The following OPCML variants were observed in gnomAD, a reference collection of about 807,000 sequenced individuals.
OPCML encodes the protein opioid binding protein/cell adhesion molecule like, also known as opioid-binding protein/cell adhesion molecule.
A neutral mutation model predicts 37.8 loss-of-function variants in OPCML; 13 were observed. The ratio of observed to expected loss-of-function variants is 0.34; its 90% confidence interval spans 0.22 to 0.55. The LOEUF (loss-of-function observed/expected upper bound fraction) is 0.55. OPCML is among the 20% of genes least tolerant of loss of function. OPCML has a pLI of 0.91. For synonymous variants in OPCML, 176 were observed against 168.8 expected (o/e 1.04, Z -0.33); for missense variants, 341 against 435.6 (o/e 0.78, Z 1.93).
At chr11:133,287,023 GAGA>G (rs1942318229) in intron 1 of OPCML, among the ~76,000 whole-genome samples, 1 of 152,114 alleles carries the variant, frequency 6.6e-6, no homozygotes, top group African/African-American at 2.4e-5. Flanking sequence ...TGGACAGAAG[GAGA>G]AGTTGAGATA....
intron 7 of OPCML, among the ~76,000 whole-genome samples, chr11:132,424,346 C>T (rs955955294): frequency 1.3e-5 from 2 of 152,092 alleles, no homozygotes; most frequent in African/African-American, 4.8e-5. Flanking sequence ...TTCTCGAACT[C>T]CTGACCTCGT....
intron 2 of OPCML, among the ~76,000 whole-genome samples, chr11:132,757,308 A>G (rs1946089081): frequency 6.6e-6 from 1 of 152,210 alleles, no homozygotes; most frequent in South Asian, 2.1e-4. Context: ...TACTTTGGGT[A>G]TATACCCAGT....
At chr11:133,185,284 A>C (rs538471322) in intron 1 of OPCML, among the ~76,000 whole-genome samples, 1 of 152,332 alleles carries the variant, frequency 6.6e-6, no homozygotes, top group South Asian at 2.1e-4. Context: ...TGTTTGTATA[A>C]GATTATTTGA....
chr11:133,240,434 G>T (rs1039402933), intron 1 of OPCML, among the ~76,000 whole-genome samples: 1 of 151,924 alleles, frequency 6.6e-6, no homozygotes, highest in Non-Finnish European at 1.5e-5. Flanking sequence ...ATTGTTCACC[G>T]CACCAGACAC....
intron 2 of OPCML, among the ~76,000 whole-genome samples, chr11:132,688,760 G>T: frequency 2.8e-5 from 1 of 35,388 alleles, no homozygotes; most frequent in South Asian, 7.3e-4. Flanking sequence ...TGGCTAACAA[G>T]GTGAAACCCC....
At chr11:133,016,159 C>A (rs1947331022) in intron 1 of OPCML, among the ~76,000 whole-genome samples, 1 of 152,172 alleles carries the variant, frequency 6.6e-6, no homozygotes, top group South Asian at 2.1e-4. Context: ...GTGCTTAGAA[C>A]AGTTTATTAT....
intron 1 of OPCML, among the ~76,000 whole-genome samples, chr11:133,183,867 T>C (rs1298158458): frequency 2.6e-5 from 4 of 152,194 alleles, no homozygotes; most frequent in Non-Finnish European, 4.4e-5. Flanking sequence ...CCGAATGCTT[T>C]TTGCTCATCT....
intron 1 of OPCML, among the ~76,000 whole-genome samples, chr11:133,287,281 T>TTTTC (rs1565550304): frequency 1.4e-5 from 2 of 147,740 alleles, no homozygotes; most frequent in Admixed American, 1.3e-4. Flanking sequence ...CTTTCTTTTT[T>TTTTC]TTTTTTTTTT....
At position 132,588,076 on chromosome 11, in the gene OPCML, G is replaced by A. The variant is rs183978629; in HGVS notation, c.380-58890C>T. The stretch of plus-strand genomic sequence containing the variant: ...CAGGCCACTTAAAGCTCCTCATGCC[G>A]TGAGATCAGAAAACCAGAGAAGTCA... On this transcript the variant is annotated intron_variant, in intron 3 of 7. Coordinates refer to ENST00000524381, the MANE Select transcript of OPCML (RefSeq NM_001012393.5). Among the ~76,000 whole-genome samples the A allele has an allele frequency of 2.3e-3, 347 of 152,218 alleles. 2 individuals are homozygous for A. The highest frequency in any genetic ancestry group is 0.01 in the Middle Eastern group (3 of 294).
chr11:133,125,520 T>G (rs1230050701), intron 1 of OPCML, among the ~76,000 whole-genome samples: 2 of 151,022 alleles, frequency 1.3e-5, no homozygotes, highest in African/African-American at 4.9e-5. Context: ...GTGAACTGTG[T>G]ATTAGTGTTC....
intron 3 of OPCML, among the ~76,000 whole-genome samples, chr11:132,602,138 C>A (rs1937962992): frequency 1.3e-5 from 2 of 152,102 alleles, no homozygotes; most frequent in African/African-American, 4.8e-5. Flanking sequence ...GCAGCAGAGC[C>A]TCCTGCACAG....
chr11:132,858,555 C>T (rs1473211592), intron 2 of OPCML, among the ~76,000 whole-genome samples: 3 of 152,214 alleles, frequency 2.0e-5, no homozygotes, highest in African/African-American at 7.2e-5. Flanking sequence ...CTCCACCCAA[C>T]CCAAGAGGGA....
intron 3 of OPCML, among the ~76,000 whole-genome samples, chr11:132,578,205 G>A (rs1254270768): frequency 6.6e-6 from 1 of 152,170 alleles, no homozygotes; most frequent in Non-Finnish European, 1.5e-5. Flanking sequence ...AGCTTTTACT[G>A]TGATGTCTCC....
At chr11:132,814,308 C>T (rs1939510472) in intron 2 of OPCML, among the ~76,000 whole-genome samples, 2 of 152,268 alleles carry the variant, frequency 1.3e-5, no homozygotes, top group African/African-American at 4.8e-5. Flanking sequence ...GAAATTGGCT[C>T]ATACGGTTAT....
At chr11:133,063,236 C>T (rs1012823537) in intron 1 of OPCML, among the ~76,000 whole-genome samples, 6 of 152,314 alleles carry the variant, frequency 3.9e-5, no homozygotes, top group Admixed American at 2.0e-4. Context: ...TGTCATACAA[C>T]GGCGGAGAGA....
intron 1 of OPCML, among the ~76,000 whole-genome samples, chr11:133,040,232 G>GA (rs1373805424): frequency 2.6e-5 from 4 of 151,864 alleles, no homozygotes; most frequent in African/African-American, 9.7e-5. Flanking sequence ...TTCACCTCTG[G>GA]AATGCCTTCA....
At chr11:132,644,834 C>A (rs1019311371) in intron 3 of OPCML, among the ~76,000 whole-genome samples, 1 of 152,200 alleles carries the variant, frequency 6.6e-6, no homozygotes, top group Admixed American at 6.5e-5. Context: ...AGATTTATTG[C>A]CAGCTTGCCA....
At chr11:133,391,277 C>G (rs1246872032) in intron 1 of OPCML, among the ~76,000 whole-genome samples, 1 of 152,184 alleles carries the variant, frequency 6.6e-6, no homozygotes, top group Non-Finnish European at 1.5e-5. Context: ...GAATGACCTA[C>G]TGGCATTGCT....
At chr11:133,063,606 G>A (rs1216829679) in intron 1 of OPCML, among the ~76,000 whole-genome samples, 5 of 151,018 alleles carry the variant, frequency 3.3e-5, no homozygotes, top group African/African-American at 1.2e-4. Context: ...TTGTCACCCA[G>A]GCTGGAGTGC....
Sources: gnomAD v4.1 joint callset for allele counts (sites outside exome capture counted in the v4.1 genomes callset) on GRCh38, gnomAD v4.1.1 for gene constraint, MANE v1.5 for transcripts, NCBI Gene and HGNC (gene_info 2026-07-23, HGNC 2026-07-21) for gene names.